Variants in MCM2 observed in about 807,000 individuals in gnomAD.
MCM2 encodes minichromosome maintenance complex component 2.
In MCM2, 49 loss-of-function variants were observed where a neutral mutation model predicts 86.4. That is an observed-to-expected ratio of 0.57 (90% CI 0.45 to 0.72). The LOEUF (loss-of-function observed/expected upper bound fraction) is 0.72. MCM2 is among the 30% of genes least tolerant of loss of function. The pLI, the probability that MCM2 is intolerant of heterozygous loss-of-function variation, is 0.00. For synonymous variants in MCM2, 475 were observed against 484.6 expected (o/e 0.98, Z 0.26); for missense variants, 1,038 against 1,259.9 (o/e 0.82, Z 2.67).
At chr3:127,607,601 C>T (rs1342855635) in intron 6 of MCM2, among the ~76,000 whole-genome samples, 5 of 152,234 alleles carry the variant, frequency 3.3e-5, no homozygotes, top group Admixed American at 2.0e-4. Flanking sequence ...GCTCACTCTT[C>T]CCATGCCCTG....
chr3:127,610,454 C>T (rs2074386111), intron 8 of MCM2, among the ~76,000 whole-genome samples: 2 of 152,192 alleles, frequency 1.3e-5, no homozygotes, highest in African/African-American at 2.4e-5. Flanking sequence ...CATCCACCTT[C>T]CCCTGAAGCC....
rs2074352976 is a variant in MCM2 at position 127,606,601 on chromosome 3, C to T, written c.894-9C>T. ...CTCACGGCTTCTGATGCACCCTCTG[C>T]CTCCGCAGGCAGCTGCATCTGAACC... is the stretch of plus-strand genomic sequence containing the variant. On this transcript the variant is annotated splice_polypyrimidine_tract_variant and intron_variant, in intron 5 of 15. Coordinates refer to ENST00000265056, the MANE Select transcript of MCM2 (RefSeq NM_004526.4). This position sits in a 1 kb window ranked among gnomAD's most constrained non-coding sequence, Gnocchi z 4.2. 1 of 1,612,038 alleles carries T rather than the reference C, an allele frequency of 6.2e-7. No individual in the cohort carries two copies. Among genetic ancestry groups the T allele is most frequent in the Admixed American group, 1.7e-5 (1 of 60,010 alleles).
intron 7 of MCM2, 72 bp downstream of exon 7, chr3:127,608,588 C>G: frequency 6.3e-7 from 1 of 1,583,768 alleles, no homozygotes; most frequent in African/African-American, 1.3e-5. Context: ...GTGGCTGGGC[C>G]GGTGGCGGTG....
chr3:127,621,375 A>G (rs2107697701), intron 15 of MCM2, 147 bp downstream of exon 15: 2 of 963,412 alleles, frequency 2.1e-6, no homozygotes, highest in African/African-American at 1.6e-5. Context: ...TGTTGAGTCC[A>G]GTTCTGTGCC....
chr3:127,610,799 C>T (rs1257987271), intron 8 of MCM2: 1 of 456,664 alleles, frequency 2.2e-6, no homozygotes, highest in South Asian at 1.5e-5. Context: ...GAAATGCATC[C>T]CTGGCAGAGG....
In MCM2 at chr3:127,617,629, T is replaced by C. The variant is rs1051844559; in HGVS notation, c.1900+224T>C. On this transcript the variant is annotated intron_variant, in intron 11 of 15. Transcript: ENST00000265056. This position sits in a 1 kb window ranked among gnomAD's most constrained non-coding sequence, Gnocchi z 4.1. Reference sequence around the variant, plus strand: ...CATGTTCCTGGAATCACCTTGGATGTTCTCAGAAGGCATGGGAGGAGAGCC... The same window carrying C: ...CATGTTCCTGGAATCACCTTGGATGCTCTCAGAAGGCATGGGAGGAGAGCC... 7.1e-5 allele frequency: 45 copies of C among 629,720 alleles called. No homozygotes were observed. The highest frequency in any genetic ancestry group is 1.0e-4 in the Non-Finnish European group (37 of 367,276). The allele number at this position is 629,720 out of a possible 1,614,324, so 39.0% of individuals were successfully genotyped here.
intron 15 of MCM2, 25 bp downstream of exon 15, chr3:127,621,253 G>T: frequency 4.3e-6 from 7 of 1,612,340 alleles, no homozygotes; most frequent in Non-Finnish European, 5.9e-6. Context: ...GGGAGGTGAG[G>T]GTTGGGGTAT....
In MCM2 at chr3:127,606,456, GCAGGTGAGT is replaced by G; in HGVS notation, c.893+120_893+128del. On this transcript the variant is annotated intron_variant, in intron 5 of 15. Transcript: ENST00000265056. The surrounding 1 kb of genome is among the most constrained non-coding windows in gnomAD (Gnocchi z 4.2). ...GGGTGCAGCCAGCAGCATCCTCATC[GCAGGTGAGT>G]TGTGGTTGCACAGGAGTGTGATGGG... 8.3e-7 allele frequency: 1 copy of G among 1,199,504 alleles called. No homozygotes were observed. The highest frequency in any genetic ancestry group is 1.4e-5 in the South Asian group (1 of 73,136). The allele number at this position is 1,199,504 out of a possible 1,614,324, so 74.3% of individuals were successfully genotyped here.
At chr3:127,609,175 T>C (rs2074374462) in intron 8 of MCM2, 152 bp downstream of exon 8, 1 of 797,718 alleles carries the variant, frequency 1.3e-6, no homozygotes, top group Non-Finnish European at 2.0e-6. Flanking sequence ...GGCCCTGTGC[T>C]CCAGGGAAGA....
At chr3:127,620,590 C>A in intron 13 of MCM2, 108 bp from the exon 14 acceptor site, 1 of 1,119,352 alleles carries the variant, frequency 8.9e-7, no homozygotes, top group Non-Finnish European at 1.3e-6. Context: ...TCTGCTGGGG[C>A]ACTGTCAGAT....
intron 8 of MCM2, among the ~76,000 whole-genome samples, chr3:127,610,589 T>C (rs1281548597): frequency 6.6e-6 from 1 of 152,208 alleles, no homozygotes; most frequent in Non-Finnish European, 1.5e-5. Context: ...CATGGTTTGT[T>C]CTGTTCCTTT....
At chr3:127,601,489 TA>T (rs1387616941) in intron 2 of MCM2, among the ~76,000 whole-genome samples, 1 of 152,154 alleles carries the variant, frequency 6.6e-6, no homozygotes, top group South Asian at 2.1e-4. Context: ...GCCTCCCAAG[TA>T]GCTGGGATCA....
chr3:127,602,714 G>C (rs2074314161), intron 2 of MCM2, among the ~76,000 whole-genome samples: 1 of 152,204 alleles, frequency 6.6e-6, no homozygotes, highest in Admixed American at 6.5e-5. Context: ...ATGTGTGTCT[G>C]ATGGTCTTAG....
chr3:127,620,980 C>T (rs574910868), intron 14 of MCM2, 93 bp from the exon 15 acceptor site: 28 of 1,573,554 alleles, frequency 1.8e-5, no homozygotes, highest in Non-Finnish European at 2.4e-5. Context: ...CCAGGAGCGG[C>T]AGCCTGTCTG....
Position 127,606,848 on chromosome 3 carries a change from T to C in MCM2, c.1101+31T>C, listed in dbSNP as rs763866408. 8.7e-6 allele frequency: 14 copies of C among 1,607,250 alleles called. No individual in the cohort carries two copies. Among genetic ancestry groups the C allele is most frequent in the Non-Finnish European group, 1.1e-5 (13 of 1,174,070 alleles). ...AGAGGACACAAGGTCTGCTGCCAGC[T>C]GTCCTTAGGGGTGCCCAGTATGCAG... On this transcript the variant is annotated intron_variant, in intron 6 of 15. Coordinates refer to ENST00000265056, the MANE Select transcript of MCM2 (RefSeq NM_004526.4). This position sits in a 1 kb window ranked among gnomAD's most constrained non-coding sequence, Gnocchi z 4.2.
intron 14 of MCM2, 84 bp downstream of exon 14, chr3:127,620,964 G>T: frequency 6.4e-7 from 1 of 1,570,090 alleles, no homozygotes. Context: ...TGGCCTGGAC[G>T]TGCACCCAGG....
chr3:127,598,789 T>G, intron 1 of MCM2: 1 of 460,116 alleles, frequency 2.2e-6, no homozygotes, highest in Non-Finnish European at 3.8e-6. Flanking sequence ...TACACTCCTT[T>G]AAACTTTTTT....
intron 1 of MCM2, chr3:127,598,794 T>A: frequency 6.3e-6 from 1 of 158,818 alleles, no homozygotes. Context: ...TCCTTTAAAC[T>A]TTTTTTTTTT....
chr3:127,608,464 A>G lies in MCM2; in HGVS notation c.1184A>G (p.Asp395Gly). Residue 395 changes from aspartate (D) to glycine (G), a missense_variant, in exon 7 of 16, where the codon GAC (aspartate) becomes GGC (glycine). This residue lies in a region of MCM2 where 399 missense variants were observed against 507.2 expected (regional missense o/e 0.79). Coordinates refer to ENST00000265056, the MANE Select transcript of MCM2 (RefSeq NM_004526.4). ...VAAGRLPRSK[D>G]AILLADLVDS... is the part of the protein sequence containing the mutation. ...GCTGGCCGGCTGCCCCGCTCCAAGG[A>G]CGCCATTCTCCTCGCAGATCTGGTG... 1 of 1,614,146 alleles carries G rather than the reference A, an allele frequency of 6.2e-7. No homozygotes were observed. The highest frequency in any genetic ancestry group is 8.5e-7 in the Non-Finnish European group (1 of 1,180,030).
Sources: gnomAD v4.1 joint callset for allele counts (sites outside exome capture counted in the v4.1 genomes callset) on GRCh38, gnomAD v4.1.1 for gene constraint, gnomAD v4.1.1 regional missense constraint, Gnocchi (gnomAD v3.1) non-coding constraint, MANE v1.5 for transcripts, NCBI Gene and HGNC (gene_info 2026-07-23, HGNC 2026-07-21) for gene names.